FAHD2B: variants seen among roughly 807,000 people sequenced by gnomAD.
The protein encoded by FAHD2B is oxaloacetate tautomerase FAHD2B, mitochondrial.
FAHD2B carries 26 observed loss-of-function variants against 33.7 expected under a neutral mutation model. The observed-to-expected ratio is 0.77, with a 90% CI of 0.57 to 1.07. FAHD2B has a LOEUF of 1.07. FAHD2B is among the 50% of genes least tolerant of loss of function. FAHD2B has a pLI of 0.00. For synonymous variants in FAHD2B, 108 were observed against 150.9 expected, an observed-to-expected ratio of 0.72 and a Z score of 2.08; for missense variants, 272 against 388.1, an observed-to-expected ratio of 0.70 and a Z score of 2.51.
At chr2:97,082,533 C>T (rs2031685267), downstream of FAHD2B, 1 of 1,601,314 alleles carries the variant, frequency 6.2e-7, no homozygotes, top group East Asian at 2.3e-5. Context: ...TGCCCCCTGC[C>T]AGACAGTGAC....
At chr2:97,082,483 G>A, downstream of FAHD2B, 2 of 1,612,580 alleles carry the variant, frequency 1.2e-6, no homozygotes, top group Non-Finnish European at 8.5e-7. Context: ...CAACCAGTCA[G>A]CCCAGGCTCC....
chr2:97,080,272 G>A (rs996893244), downstream of FAHD2B, among the ~76,000 whole-genome samples: 1 of 152,034 alleles, frequency 6.6e-6, no homozygotes, highest in African/African-American at 2.4e-5. Context: ...TTTTTTATTA[G>A]GTGTGAGGCT....
At chr2:97,081,008 C>A, downstream of FAHD2B, 1 of 1,232,674 alleles carries the variant, frequency 8.1e-7, no homozygotes, top group East Asian at 2.8e-5. Flanking sequence ...TGCCTCATGC[C>A]TGTGATCCCA....
At chr2:97,086,392 C>T (rs753779096) in intron 4 of FAHD2B, among the ~76,000 whole-genome samples, 194 bp from the exon 5 acceptor site, 5 of 152,092 alleles carry the variant, frequency 3.3e-5, no homozygotes, top group Non-Finnish European at 7.4e-5. Flanking sequence ...CAGTGGCAGA[C>T]AGCATCATGG....
At position 97,086,406 on chromosome 2, in the gene FAHD2B, A is replaced by G. The variant is rs6746304; in HGVS notation, c.463-208T>C. 1.5e-4 allele frequency: 94 copies of G among 609,820 alleles called. 1 individual carries two copies. The highest frequency in any genetic ancestry group is 7.5e-4 in the Admixed American group (26 of 34,442). The allele number at this position is 609,820 out of a possible 1,614,324, so 37.8% of individuals were successfully genotyped here. On this transcript the variant is annotated intron_variant, in intron 4 of 8. Transcript: ENST00000414820. Reference sequence around the variant, plus strand: ...GCAGTGGCAGACAGCATCATGGAATACAGGCACAGGTCCCCACACCACTGT... The same window carrying G: ...GCAGTGGCAGACAGCATCATGGAATGCAGGCACAGGTCCCCACACCACTGT...
chr2:97,093,184 C>T (rs1180699137), intron 1 of FAHD2B, among the ~76,000 whole-genome samples: 2 of 152,032 alleles, frequency 1.3e-5, no homozygotes, highest in Non-Finnish European at 2.9e-5. Context: ...AATGTTGAGG[C>T]AGCTGAGCCC....
intron 1 of FAHD2B, among the ~76,000 whole-genome samples, chr2:97,093,077 G>T (rs546804045): frequency 9.9e-5 from 15 of 151,554 alleles, no homozygotes; most frequent in East Asian, 3.9e-4. Flanking sequence ...CTGAATCCAA[G>T]TCTGGCCACT....
At chr2:97,088,231 T>C (rs769492777) in intron 4 of FAHD2B, among the ~76,000 whole-genome samples, 84 of 152,120 alleles carry the variant, frequency 5.5e-4, no homozygotes, top group Non-Finnish European at 1.0e-3. Context: ...AAACAGACCA[T>C]ATGACACTCA....
chr2:97,083,763 C>A lies in FAHD2B; in HGVS notation c.937G>T (p.Val313Leu), dbSNP rs755424165. Reference sequence around the variant, plus strand: ...GGCCTGTGCAGGAGCCATCACACCACCTTGTTGATGATGACACCTAGTTCT... The same window carrying A: ...GGCCTGTGCAGGAGCCATCACACCAACTTGTTGATGATGACACCTAGTTCT... ...IEELGVIINK[V>L]V The change falls in exon 9 of 9, where the codon GTG (valine) becomes TTG (leucine). Residue 313 changes from valine to leucine, a missense_variant. Physicochemically the swap from Val to Leu is conservative, Grantham distance 32. Transcript: ENST00000414820. 7 of 1,614,152 alleles carry A rather than the reference C, an allele frequency of 4.3e-6. 1 individual carries two copies. The South Asian group carries it at 5.5e-5, about 13-fold the overall frequency.
intron 1 of FAHD2B, 55 bp from the exon 2 acceptor site, chr2:97,092,043 C>T: frequency 4.0e-6 from 1 of 247,076 alleles, no homozygotes; most frequent in Non-Finnish European, 7.8e-6. Context: ...ATTCTCCCTG[C>T]ACAGGTCACA....
chr2:97,084,719 G>T (rs1249439510), intron 6 of FAHD2B, among the ~76,000 whole-genome samples: 1 of 151,972 alleles, frequency 6.6e-6, no homozygotes, highest in African/African-American at 2.4e-5. Flanking sequence ...AAACCAGCCT[G>T]GGTAACACAG....
At position 97,084,215 on chromosome 2, in the gene FAHD2B, T is replaced by C. The variant is rs758251307; in HGVS notation, c.748A>G (p.Asn250Asp). The C allele has an allele frequency of 2.5e-6, 4 of 1,613,630 alleles. No homozygotes were observed. The African/African-American group carries it at 4.0e-5, about 16-fold the overall frequency. ...NGEVVQSSNT[N>D]QMVFKTEDLI... ...TCCTCTGTCTTGAATACCATCTGGT[T>C]GGTGTTGCTGCTCTGGACGACTTCC... Residue 250 changes from asparagine (N) to aspartate (D), a missense_variant, in exon 7 of 9, where the codon AAC becomes GAC. Asn to Asp is a conservative substitution (Grantham distance 23). Coordinates refer to ENST00000414820, the MANE Select transcript of FAHD2B (RefSeq NM_001320848.2).
At chr2:97,083,003 G>A (rs1055955556), downstream of FAHD2B, 52 of 962,068 alleles carry the variant, frequency 5.4e-5, no homozygotes, top group Admixed American at 1.2e-4. Flanking sequence ...GCTGCTTTGC[G>A]GCAGCATTTG....
downstream of FAHD2B, among the ~76,000 whole-genome samples, chr2:97,080,809 T>C (rs926361312): frequency 1.3e-5 from 2 of 152,126 alleles, no homozygotes; most frequent in African/African-American, 4.8e-5. Context: ...CTTCCCTTGT[T>C]ACCTGAATTG....
intron 6 of FAHD2B, 102 bp from the exon 7 acceptor site, chr2:97,084,379 G>A: frequency 7.2e-7 from 1 of 1,386,856 alleles, no homozygotes; most frequent in Non-Finnish European, 1.0e-6. Context: ...CTTGGCAGGT[G>A]AAAGGGCTTT....
intron 4 of FAHD2B, among the ~76,000 whole-genome samples, chr2:97,087,830 T>C (rs1226228523): frequency 3.3e-5 from 5 of 152,130 alleles, no homozygotes; most frequent in Non-Finnish European, 7.3e-5. Context: ...CATAGATTGC[T>C]TGTTAATTAC....
At chr2:97,079,540 T>C (rs2031577238), downstream of FAHD2B, among the ~76,000 whole-genome samples, 1 of 152,170 alleles carries the variant, frequency 6.6e-6, no homozygotes, top group Admixed American at 6.6e-5. Context: ...TTGAGCTTTT[T>C]TTCATATGAT....
chr2:97,088,884 G>C (rs1483777978), intron 4 of FAHD2B, among the ~76,000 whole-genome samples: 1 of 151,962 alleles, frequency 6.6e-6, no homozygotes, highest in Non-Finnish European at 1.5e-5. Flanking sequence ...TATTTGCAAT[G>C]TGTCACCCCA....
chr2:97,093,798 A>G (rs1484537183), intron 1 of FAHD2B, among the ~76,000 whole-genome samples: 1 of 152,080 alleles, frequency 6.6e-6, no homozygotes, highest in Non-Finnish European at 1.5e-5. Flanking sequence ...CGCTTGTGGA[A>G]GGTAGGTACT....
Sources: allele counts gnomAD v4.1 joint callset (sites outside exome capture counted in the v4.1 genomes callset), GRCh38; gene constraint gnomAD v4.1.1; transcripts MANE v1.5; gene names NCBI Gene and HGNC (gene_info 2026-07-23, HGNC 2026-07-21).